Variants in CACNA1C observed in about 807,000 individuals in gnomAD.
CACNA1C encodes voltage-dependent L-type calcium channel subunit alpha-1C.
In CACNA1C, 30 loss-of-function variants were observed where a neutral mutation model predicts 229.0. That is an observed-to-expected ratio of 0.13 (90% CI 0.10 to 0.18). The LOEUF is 0.18. Ranked by LOEUF, CACNA1C falls within the 10% of genes least tolerant of loss-of-function variation. The pLI is 1.00. For missense variants in CACNA1C, 1,658 were observed against 2,845.0 expected (o/e 0.58, Z 9.49); for synonymous variants, 1,114 against 1,132.5 (o/e 0.98, Z 0.33).
At chr12:2,554,375 C>T (rs571380761) in intron 10 of CACNA1C, among the ~76,000 whole-genome samples, 61 of 152,284 alleles carry the variant, frequency 4.0e-4, no homozygotes, top group African/African-American at 1.4e-3. Context: ...TCTCCCTCCT[C>T]GCTCTTCTTC....
At chr12:2,400,324 A>G (rs1231368922) in intron 3 of CACNA1C, among the ~76,000 whole-genome samples, 1 of 152,164 alleles carries the variant, frequency 6.6e-6, no homozygotes, top group African/African-American at 2.4e-5. Flanking sequence ...GAACTCAGCA[A>G]TGAGTAATGG....
intron 5 of CACNA1C, among the ~76,000 whole-genome samples, chr12:2,470,654 C>A (rs941992348): frequency 6.6e-6 from 1 of 152,164 alleles, no homozygotes; most frequent in Non-Finnish European, 1.5e-5. Context: ...TAAAATTACA[C>A]CTGCCTGCTT....
chr12:2,582,830 C>T lies in CACNA1C; in HGVS notation c.2112C>T (p.Thr704=), dbSNP rs766729384. The T allele has an allele frequency of 6.2e-7, 1 of 1,613,502 alleles. No individual in the cohort carries two copies. The highest frequency in any genetic ancestry group is 1.7e-5 in the Admixed American group (1 of 59,990). Reference sequence around the variant, plus strand: ...GGGAATGTGTCATTCAGATCCTGACCGGGGAGGACTGGAATTCGGTGATGT... The same window carrying T: ...GGGAATGTGTCATTCAGATCCTGACTGGGGAGGACTGGAATTCGGTGATGT... ...QSLLTVFQIL[T]GEDWNSVMYD... Residue 704 remains threonine, a synonymous_variant, in exon 15 of 47, where the codon ACC becomes ACT. Transcript: ENST00000399655.
chr12:2,052,289 G>T (rs963936499), upstream of CACNA1C, among the ~76,000 whole-genome samples: 1 of 152,138 alleles, frequency 6.6e-6, no homozygotes, highest in Non-Finnish European at 1.5e-5. Flanking sequence ...CGCCTACCAG[G>T]CTCCGCCTCG....
At chr12:2,376,380 T>G (rs1380081256) in intron 3 of CACNA1C, among the ~76,000 whole-genome samples, 4 of 152,100 alleles carry the variant, frequency 2.6e-5, no homozygotes, top group African/African-American at 9.7e-5. Flanking sequence ...TGATGCCCCC[T>G]GAGTACCTGT....
intron 3 of CACNA1C, among the ~76,000 whole-genome samples, chr12:2,242,984 G>A (rs1566628154): frequency 6.6e-6 from 1 of 152,224 alleles, no homozygotes; most frequent in Non-Finnish European, 1.5e-5. Flanking sequence ...TTTATAATTG[G>A]TAGAGCTGGC....
In CACNA1C at chr12:2,608,206, C is replaced by T. The variant is rs2076183024; in HGVS notation, c.3357-305C>T. 3.9e-6 allele frequency: 1 copy of T among 257,004 alleles called. No homozygotes were observed. The highest frequency in any genetic ancestry group is 1.4e-4 in the South Asian group (1 of 7,034). The allele number at this position is 257,004 out of a possible 1,614,324, so 15.9% of individuals were successfully genotyped here. On this transcript the variant is annotated intron_variant, in intron 26 of 46. Coordinates refer to ENST00000399655, the MANE Select transcript of CACNA1C (RefSeq NM_000719.7). This position sits in a 1 kb window ranked among gnomAD's most constrained non-coding sequence, Gnocchi z 4.2. Reference sequence around the variant, plus strand: ...CAGTGTTTTAAATCAATGTCCATGACTCATGTTACATTTAAATAGCTCTTC... The same window carrying T: ...CAGTGTTTTAAATCAATGTCCATGATTCATGTTACATTTAAATAGCTCTTC...
intron 3 of CACNA1C, among the ~76,000 whole-genome samples, chr12:2,155,756 G>A (rs933079966): frequency 1.3e-5 from 2 of 152,210 alleles, no homozygotes; most frequent in Non-Finnish European, 2.9e-5. Flanking sequence ...TAGAGCCACC[G>A]GAGGTGGGAG....
intron 43 of CACNA1C, among the ~76,000 whole-genome samples, chr12:2,684,025 T>C (rs1310957515): frequency 1.3e-5 from 2 of 152,164 alleles, no homozygotes; most frequent in South Asian, 2.1e-4. Context: ...TTGCAGGCTT[T>C]TGAAGACAGG....
intron 3 of CACNA1C, among the ~76,000 whole-genome samples, chr12:2,263,224 A>G (rs771399465): frequency 2.6e-5 from 4 of 150,970 alleles, no homozygotes; most frequent in Non-Finnish European, 5.9e-5. Context: ...AGGTGGGAGT[A>G]TGCCCAGCGT....
intron 1 of CACNA1C, among the ~76,000 whole-genome samples, chr12:2,003,241 G>A (rs544038740): frequency 6.6e-6 from 1 of 152,046 alleles, no homozygotes; most frequent in Non-Finnish European, 1.5e-5. Context: ...ATGAATGTGG[G>A]TGTTAAAAAA....
intron 1 of CACNA1C, among the ~76,000 whole-genome samples, chr12:1,998,600 T>G (rs1223589605): frequency 6.6e-6 from 1 of 152,178 alleles, no homozygotes; most frequent in African/African-American, 2.4e-5. Flanking sequence ...AAGTTAGGAC[T>G]CAAGAAATCT....
At chr12:2,244,469 C>G (rs1255523402) in intron 3 of CACNA1C, among the ~76,000 whole-genome samples, 1 of 152,252 alleles carries the variant, frequency 6.6e-6, no homozygotes, top group African/African-American at 2.4e-5. Flanking sequence ...TAAATACAGT[C>G]ATCTCCTCCG....
chr12:2,399,073 C>T (rs774815645), intron 3 of CACNA1C, among the ~76,000 whole-genome samples: 3 of 152,094 alleles, frequency 2.0e-5, no homozygotes, highest in African/African-American at 4.8e-5. Flanking sequence ...CTCCTTTGCT[C>T]GGCTGCTGCA....
chr12:2,692,780 T>C lies in CACNA1C; in HGVS notation c.*1581T>C, dbSNP rs932347101. 6.5e-6 allele frequency: 1 copy of C among 152,684 alleles called. No individual in the cohort carries two copies. The highest frequency in any genetic ancestry group is 1.5e-5 in the Non-Finnish European group (1 of 68,040). 9.5% of individuals were successfully genotyped at this position (152,684 alleles called of 1,614,324 possible). The stretch of plus-strand genomic sequence containing the variant: ...TGTTGAAGAAACCGTTATACTTGAA[T>C]TCAGGTCAGTTTCAGTATTTTTCAA... On this transcript the variant is annotated 3_prime_UTR_variant, in exon 47 of 47. Coordinates refer to ENST00000399655, the MANE Select transcript of CACNA1C (RefSeq NM_000719.7).
At chr12:2,587,529 A>G (rs1326130587) in intron 18 of CACNA1C, among the ~76,000 whole-genome samples, 1 of 152,152 alleles carries the variant, frequency 6.6e-6, no homozygotes, top group Non-Finnish European at 1.5e-5. Context: ...AAAAATCTCA[A>G]ATTCTATTAA....
At chr12:2,598,811 C>T (rs1360685342) in intron 21 of CACNA1C, among the ~76,000 whole-genome samples, 1 of 152,188 alleles carries the variant, frequency 6.6e-6, no homozygotes, top group Non-Finnish European at 1.5e-5. Context: ...CCAGGACACT[C>T]AGGTGCCCCC....
At chr12:2,239,247 G>A (rs535518991) in intron 3 of CACNA1C, among the ~76,000 whole-genome samples, 7 of 152,130 alleles carry the variant, frequency 4.6e-5, no homozygotes, top group Non-Finnish European at 7.4e-5. Context: ...AGAGCACTCC[G>A]GTTTGGTCCC....
intron 3 of CACNA1C, among the ~76,000 whole-genome samples, chr12:2,277,408 C>T (rs895046014): frequency 4.3e-5 from 6 of 140,460 alleles, no homozygotes; most frequent in African/African-American, 1.6e-4. Context: ...CACACACACA[C>T]ACACACACAC....
Sources: gnomAD v4.1 joint callset for allele counts (sites outside exome capture counted in the v4.1 genomes callset) on GRCh38, gnomAD v4.1.1 for gene constraint, Gnocchi (gnomAD v3.1) non-coding constraint, MANE v1.5 for transcripts, NCBI Gene and HGNC (gene_info 2026-07-23, HGNC 2026-07-21) for gene names.